Variants in GABRB2 observed in about 807,000 individuals in gnomAD.
GABRB2 encodes gamma-aminobutyric acid receptor subunit beta-2.
A neutral mutation model predicts 54.7 loss-of-function variants in GABRB2; 16 were observed. That is an observed-to-expected ratio of 0.29 (90% confidence interval 0.20 to 0.44). The LOEUF (loss-of-function observed/expected upper bound fraction) is 0.44, where lower values mean the gene tolerates loss of function less well. Ranked by LOEUF, GABRB2 falls within the 20% of genes least tolerant of loss-of-function variation. The pLI, the probability that GABRB2 is intolerant of heterozygous loss-of-function variation, is 1.00. For missense variants in GABRB2, 355 were observed against 644.0 expected, an observed-to-expected ratio of 0.55 and a Z score of 4.86; for synonymous variants, 244 against 233.8, an observed-to-expected ratio of 1.04 and a Z score of -0.40.
intron 5 of GABRB2, among the ~76,000 whole-genome samples, chr5:161,360,809 A>G (rs1355564498): frequency 6.6e-6 from 1 of 152,134 alleles, no homozygotes; most frequent in Admixed American, 6.6e-5. Flanking sequence ...AAATACAGTA[A>G]CCTGAATATA....
At chr5:161,424,543 C>G (rs987464323) in intron 4 of GABRB2, among the ~76,000 whole-genome samples, 1 of 152,112 alleles carries the variant, frequency 6.6e-6, no homozygotes, top group African/African-American at 2.4e-5. Context: ...GATTTACTAA[C>G]TATTTTAAGC....
chr5:161,293,300 G>C lies in GABRB2; in HGVS notation c.*781C>G, dbSNP rs1346061051. 1 of 152,252 alleles carries C rather than the reference G, an allele frequency of 6.6e-6. No homozygotes were observed. Among genetic ancestry groups the C allele is most frequent in the Middle Eastern group, 3.1e-3 (1 of 320 alleles). The allele number at this position is 152,252 out of a possible 1,614,324, so 9.4% of individuals were successfully genotyped here. A position where few individuals can be genotyped will look rare whatever the true frequency, so the allele number is the denominator to read the frequency against. On this transcript the variant is annotated 3_prime_UTR_variant, in exon 10 of 10. Transcript: ENST00000393959. ...AAGGGTCATGCTTTCTTGCTTGCTTGCTTTTTGTTACAACCGTCGTTTCTG... is the reference window on the plus strand; with the variant it reads ...AAGGGTCATGCTTTCTTGCTTGCTTCCTTTTTGTTACAACCGTCGTTTCTG...
At chr5:161,455,973 T>C (rs1757942900) in intron 4 of GABRB2, among the ~76,000 whole-genome samples, 1 of 152,216 alleles carries the variant, frequency 6.6e-6, no homozygotes, top group Non-Finnish European at 1.5e-5. Context: ...AAGATTTCAC[T>C]GAAGAAAACC....
chr5:161,388,293 A>T (rs1227477372), intron 5 of GABRB2, among the ~76,000 whole-genome samples: 2 of 152,156 alleles, frequency 1.3e-5, no homozygotes, highest in Non-Finnish European at 2.9e-5. Context: ...TCAAAACAGC[A>T]TTCATCAAAG....
chr5:161,350,534 A>C (rs540120149), intron 5 of GABRB2, among the ~76,000 whole-genome samples: 81 of 152,300 alleles, frequency 5.3e-4, no homozygotes, highest in Non-Finnish European at 1.0e-3. Flanking sequence ...TACATCGAAG[A>C]TAATACAAAG....
chr5:161,450,716 A>C (rs549393667), intron 4 of GABRB2, among the ~76,000 whole-genome samples: 12 of 152,220 alleles, frequency 7.9e-5, no homozygotes, highest in Non-Finnish European at 1.2e-4. Flanking sequence ...GCTATAAAAA[A>C]AGGAGGTGAA....
chr5:161,493,491 A>G (rs915543089), intron 3 of GABRB2, among the ~76,000 whole-genome samples: 1 of 151,652 alleles, frequency 6.6e-6, no homozygotes, highest in Non-Finnish European at 1.5e-5. Context: ...TTTATATGCT[A>G]GGTTTCACTG....
chr5:161,465,606 C>T (rs1758255505), intron 3 of GABRB2, among the ~76,000 whole-genome samples: 1 of 152,082 alleles, frequency 6.6e-6, no homozygotes, highest in Non-Finnish European at 1.5e-5. Context: ...CTAAAAATTA[C>T]ATACTGTAAA....
chr5:161,303,804 C>T (rs72813505), intron 9 of GABRB2, among the ~76,000 whole-genome samples: 8,684 of 152,102 alleles, frequency 0.057, 294 homozygotes, highest in Middle Eastern at 0.068. Flanking sequence ...CAGAGATGAG[C>T]GCAGGTTCTA....
chr5:161,359,036 C>A (rs1243111517), intron 5 of GABRB2, among the ~76,000 whole-genome samples: 1 of 152,080 alleles, frequency 6.6e-6, no homozygotes, highest in Non-Finnish European at 1.5e-5. Flanking sequence ...CCTTGAAAAT[C>A]TGTGGGTGGC....
intron 3 of GABRB2, among the ~76,000 whole-genome samples, chr5:161,514,282 T>G (rs7716156): frequency 1 from 151,604 of 152,198 alleles, 75,511 homozygotes; most frequent in East Asian, 1. Context: ...TCCTTGAAAC[T>G]CCAACCTCTT....
At position 161,327,041 on chromosome 5, in the gene GABRB2, G is replaced by GACACAC. The variant is rs150178203; in HGVS notation, c.1078-566_1078-561dup. 4.3e-3 allele frequency: 2,135 copies of GACACAC among 495,638 alleles called. 12 individuals are homozygous for GACACAC. The highest frequency in any genetic ancestry group is 0.016 in the African/African-American group (665 of 42,084). 30.7% of individuals were successfully genotyped at this position (495,638 alleles called of 1,614,324 possible). A position where few individuals can be genotyped will look rare whatever the true frequency, so the allele number is the denominator to read the frequency against. On this transcript the variant is annotated intron_variant, in intron 8 of 9. Coordinates refer to ENST00000393959, the MANE Select transcript of GABRB2 (RefSeq NM_001371727.1). The stretch of plus-strand genomic sequence containing the variant: ...ATCAATCAAAAGCAAATTCCATTAG[G>GACACAC]ACACACACACACACACACACACACA...
rs183353793 is a variant in GABRB2 at position 161,447,079 on chromosome 5, A to C, written c.458+12545T>G. Reference sequence around the variant, plus strand: ...AGCAACCAATCTTTACAAACAACTTATGTGCCAGGCACTTTAGTAAATTCT... The same window carrying C: ...AGCAACCAATCTTTACAAACAACTTCTGTGCCAGGCACTTTAGTAAATTCT... On this transcript the variant is annotated intron_variant, in intron 4 of 9. Transcript: ENST00000393959. 2.6e-5 allele frequency among the ~76,000 whole-genome samples: 4 copies of C among 152,276 alleles called. No individual in the cohort carries two copies. The South Asian group carries it at 6.2e-4, about 24-fold the overall frequency.
At chr5:161,389,260 G>A (rs1232081472) in intron 5 of GABRB2, among the ~76,000 whole-genome samples, 3 of 152,026 alleles carry the variant, frequency 2.0e-5, no homozygotes, top group East Asian at 1.9e-4. Context: ...TCATCCAGAT[G>A]GTTCAGTTTA....
chr5:161,316,129 G>A (rs941734506), intron 9 of GABRB2, among the ~76,000 whole-genome samples: 9 of 152,150 alleles, frequency 5.9e-5, no homozygotes, highest in Non-Finnish European at 1.3e-4. Context: ...GTATCTTAGA[G>A]CTATGTAATT....
chr5:161,476,774 A>T (rs1318416007), intron 3 of GABRB2, among the ~76,000 whole-genome samples: 2 of 151,954 alleles, frequency 1.3e-5, no homozygotes, highest in African/African-American at 4.8e-5. Context: ...ATTTTATACC[A>T]TATATAAAAA....
chr5:161,404,551 C>A (rs994792616), intron 5 of GABRB2, among the ~76,000 whole-genome samples: 1 of 151,812 alleles, frequency 6.6e-6, no homozygotes, highest in Non-Finnish European at 1.5e-5. Context: ...TTAAGAAGAT[C>A]AAAATATTCA....
At chr5:161,443,127 T>A (rs569959450) in intron 4 of GABRB2, among the ~76,000 whole-genome samples, 2 of 152,118 alleles carry the variant, frequency 1.3e-5, no homozygotes, top group Non-Finnish European at 2.9e-5. Flanking sequence ...CTTCCTATTC[T>A]TCTCCCCCAC....
intron 4 of GABRB2, among the ~76,000 whole-genome samples, chr5:161,455,531 T>A (rs1330682848): frequency 1.3e-5 from 1 of 79,830 alleles, no homozygotes; most frequent in Non-Finnish European, 2.4e-5. Context: ...GTTCCCCAAT[T>A]TTTTTTTTTT....
Sources: gnomAD v4.1 joint callset for allele counts (sites outside exome capture counted in the v4.1 genomes callset) on GRCh38, gnomAD v4.1.1 for gene constraint, MANE v1.5 for transcripts, NCBI Gene and HGNC (gene_info 2026-07-23, HGNC 2026-07-21) for gene names.